The following USP30 variants were observed in gnomAD, a reference collection of about 807,000 sequenced individuals.
USP30 encodes ubiquitin specific peptidase 30, also known as ubiquitin carboxyl-terminal hydrolase 30.
Under a neutral mutation model 68.2 loss-of-function variants are expected in USP30, and 41 were observed. The ratio of observed to expected loss-of-function variants is 0.60; its 90% CI spans 0.47 to 0.78. The LOEUF (loss-of-function observed/expected upper bound fraction) is 0.78. USP30 is among the 30% of genes least tolerant of loss of function. USP30 has a pLI of 0.00. For missense variants in USP30, 522 were observed against 649.4 expected, an observed-to-expected ratio of 0.80 and a Z score of 2.13; for synonymous variants, 229 against 253.7, an observed-to-expected ratio of 0.90 and a Z score of 0.93.
chr12:109,086,116 C>G lies in USP30; in HGVS notation c.*185C>G. ...ACCAAACCAGGCTCCCTGAACAGTC[C>G]TGTTCATGTGTGTAGGTGGTTCTGT... On this transcript the variant is annotated 3_prime_UTR_variant, in exon 13 of 13. Transcript: ENST00000257548. 1 of 774,468 alleles carries G rather than the reference C, an allele frequency of 1.3e-6. No homozygotes were observed. The highest frequency in any genetic ancestry group is 2.0e-6 in the Non-Finnish European group (1 of 498,144). The allele number at this position is 774,468 out of a possible 1,614,324, so 48.0% of individuals were successfully genotyped here. A position where few individuals can be genotyped will look rare whatever the true frequency, so the allele number is the denominator to read the frequency against.
At chr12:109,042,993 A>G (rs1349725312) in intron 3 of USP30, among the ~76,000 whole-genome samples, 1 of 152,212 alleles carries the variant, frequency 6.6e-6, no homozygotes, top group East Asian at 1.9e-4. Flanking sequence ...GACAAAAACT[A>G]TTTCATTTAC....
chr12:109,023,893 A>G (rs920891238), intron 1 of USP30, among the ~76,000 whole-genome samples: 37 of 151,938 alleles, frequency 2.4e-4, no homozygotes, highest in Non-Finnish European at 4.0e-4. Context: ...TCGGCCTCCC[A>G]AAGTGCTGGG....
chr12:109,053,326 A>C (rs2040733083), intron 1 of USP30, among the ~76,000 whole-genome samples: 1 of 152,034 alleles, frequency 6.6e-6, no homozygotes, highest in African/African-American at 2.4e-5. Context: ...TGTTAGTGTG[A>C]GTAAAGGCCC....
intron 3 of USP30, among the ~76,000 whole-genome samples, chr12:109,062,564 G>A (rs566375859): frequency 1.2e-3 from 181 of 151,994 alleles, no homozygotes; most frequent in African/African-American, 4.1e-3. Flanking sequence ...TCCTGACCTC[G>A]TGATCCGCCC....
At chr12:109,043,937 T>C (rs1029214576) in intron 3 of USP30, among the ~76,000 whole-genome samples, 3 of 152,232 alleles carry the variant, frequency 2.0e-5, no homozygotes, top group Non-Finnish European at 4.4e-5. Context: ...AACAACATTA[T>C]TCACAATAGC....
At chr12:109,037,731 C>T (rs1347392100) in intron 3 of USP30, among the ~76,000 whole-genome samples, 2 of 152,128 alleles carry the variant, frequency 1.3e-5, no homozygotes, top group African/African-American at 4.8e-5. Context: ...CCTGGAACTG[C>T]CTGGAACCAG....
chr12:109,026,803 A>G (rs1020417415), intron 2 of USP30, among the ~76,000 whole-genome samples: 1 of 152,128 alleles, frequency 6.6e-6, no homozygotes, highest in Non-Finnish European at 1.5e-5. Flanking sequence ...GAGGCTGACA[A>G]GTTCAAGATC....
At chr12:109,062,369 CTG>C (rs1458700191) in intron 3 of USP30, among the ~76,000 whole-genome samples, 1 of 131,748 alleles carries the variant, frequency 7.6e-6, no homozygotes, top group Non-Finnish European at 1.6e-5. Context: ...GAGTCTCGCT[CTG>C]TCGCCCAGGC....
chr12:109,078,141 A>C (rs1191874996), intron 7 of USP30, among the ~76,000 whole-genome samples: 1 of 152,108 alleles, frequency 6.6e-6, no homozygotes, highest in African/African-American at 2.4e-5. Flanking sequence ...TAATAGCTGC[A>C]CCAGCCAGGT....
At chr12:109,037,660 C>T (rs2040531370) in intron 3 of USP30, among the ~76,000 whole-genome samples, 1 of 152,108 alleles carries the variant, frequency 6.6e-6, no homozygotes, top group Non-Finnish European at 1.5e-5. Context: ...ACAGGTGTGG[C>T]CACTGAAAAC....
chr12:109,081,652 C>T, intron 8 of USP30: 2 of 595,222 alleles, frequency 3.4e-6, no homozygotes, highest in South Asian at 4.0e-5. Context: ...CACACACACA[C>T]ACACACACAC....
intron 2 of USP30, among the ~76,000 whole-genome samples, chr12:109,026,870 C>A (rs1469268364): frequency 6.6e-6 from 1 of 152,156 alleles, no homozygotes; most frequent in Non-Finnish European, 1.5e-5. Context: ...TGCAGATGGC[C>A]ACCTTCTCTC....
In USP30 at chr12:109,086,016, C is replaced by A. The variant is rs530651149; in HGVS notation, c.*85C>A. On this transcript the variant is annotated 3_prime_UTR_variant, in exon 13 of 13. Transcript: ENST00000257548. ...AAAACTGTACTGTTGCGTGTGCAAG[C>A]GGCCCCACTAGAGCCTTCCAGCCTT... 2,547 of 1,489,206 alleles carry A rather than the reference C, an allele frequency of 1.7e-3. 34 individuals carry two copies. The South Asian group carries it at 0.023, about 14-fold the overall frequency. The allele number at this position is 1,489,206 out of a possible 1,614,324, so 92.2% of individuals were successfully genotyped here.
At chr12:109,052,984 T>G in intron 1 of USP30, 1 of 415,426 alleles carries the variant, frequency 2.4e-6, no homozygotes, top group Non-Finnish European at 4.2e-6. Context: ...CCCAGGTCTG[T>G]CAGTCCCTCC....
chr12:109,051,814 C>T (rs891492216), upstream of USP30, among the ~76,000 whole-genome samples: 2 of 152,124 alleles, frequency 1.3e-5, no homozygotes, highest in African/African-American at 4.8e-5. Context: ...AGGTGATCCA[C>T]CAGCCTCGTT....
At chr12:109,078,868 G>A (rs1020328948) in intron 7 of USP30, among the ~76,000 whole-genome samples, 11 of 152,156 alleles carry the variant, frequency 7.2e-5, no homozygotes, top group South Asian at 2.1e-4. Context: ...CAGTGTTGCC[G>A]TGGTTTTGCT....
intron 3 of USP30, among the ~76,000 whole-genome samples, chr12:109,032,117 G>A (rs1259954208): frequency 2.0e-5 from 3 of 150,962 alleles, no homozygotes; most frequent in South Asian, 2.1e-4. Context: ...AAAAAAACAC[G>A]GGCAACATGG....
intron 6 of USP30, among the ~76,000 whole-genome samples, chr12:109,072,972 C>A (rs927544005): frequency 2.0e-5 from 3 of 152,198 alleles, no homozygotes; most frequent in Admixed American, 6.5e-5. Context: ...GAGCTGATCC[C>A]TGGGCTGCAC....
At chr12:109,063,213 C>T (rs957725008) in intron 3 of USP30, among the ~76,000 whole-genome samples, 3 of 152,200 alleles carry the variant, frequency 2.0e-5, no homozygotes. Context: ...GATTCTCCTG[C>T]CTCAGCCTTC....
Sources: allele counts gnomAD v4.1 joint callset (sites outside exome capture counted in the v4.1 genomes callset), GRCh38; gene constraint gnomAD v4.1.1; transcripts MANE v1.5; gene names NCBI Gene and HGNC (gene_info 2026-07-23, HGNC 2026-07-21).